Variants in CEP72 observed in about 807,000 individuals in gnomAD.
CEP72 encodes the protein centrosomal protein of 72 kDa.
A neutral mutation model predicts 65.7 loss-of-function variants in CEP72; 78 were observed. That is an observed-to-expected ratio of 1.19 (90% CI 0.99 to 1.43). The LOEUF is 1.43. Ranked by LOEUF, CEP72 falls within the 40% of genes most tolerant of loss-of-function variation. The pLI is 0.00. For synonymous variants in CEP72, 358 were observed against 351.7 expected (o/e 1.02, Z -0.20); for missense variants, 914 against 832.9 (o/e 1.10, Z -1.20).
rs547515133 is a variant in CEP72 at position 613,786 on chromosome 5, C to T, written c.82+1343C>T. On this transcript the variant is annotated intron_variant, in intron 1 of 11. Coordinates refer to ENST00000264935, the MANE Select transcript of CEP72 (RefSeq NM_018140.4). ...TGGAAACTGCATTCTTTGGTGAATC[C>T]GCTTGCGGGGCCCTTTAGACCAGCT... Among the ~76,000 whole-genome samples, 28 of 152,336 alleles carry T rather than the reference C, an allele frequency of 1.8e-4. No individual in the cohort carries two copies. In the South Asian group the frequency reaches 5.4e-3, roughly 29 times the overall value.
downstream of CEP72, among the ~76,000 whole-genome samples, chr5:654,234 C>T (rs1739298099): frequency 6.9e-6 from 1 of 144,282 alleles, no homozygotes; most frequent in Admixed American, 7.0e-5. Context: ...TGTGTGTGTG[C>T]TAGCTGTGTG....
In CEP72 at chr5:624,687, C is replaced by T; in HGVS notation, c.512+108C>T. Reference sequence around the variant, plus strand: ...GTGCCGGTCACTCTCCAGGGGCGGACACCAGGAGGGAGGAAGGGCAGAGCC... The same window carrying T: ...GTGCCGGTCACTCTCCAGGGGCGGATACCAGGAGGGAGGAAGGGCAGAGCC... On this transcript the variant is annotated intron_variant, in intron 4 of 11. Coordinates refer to ENST00000264935, the MANE Select transcript of CEP72 (RefSeq NM_018140.4). This position sits in a 1 kb window ranked among gnomAD's most constrained non-coding sequence, Gnocchi z 4.7. 2.4e-6 allele frequency: 2 copies of T among 817,270 alleles called. No homozygotes were observed. The highest frequency in any genetic ancestry group is 4.2e-6 in the Non-Finnish European group (2 of 480,140). 50.6% of individuals were successfully genotyped at this position (817,270 alleles called of 1,614,324 possible).
chr5:615,261 G>A (rs1423739317), intron 1 of CEP72, among the ~76,000 whole-genome samples: 5 of 151,024 alleles, frequency 3.3e-5, no homozygotes, highest in African/African-American at 1.2e-4. Flanking sequence ...TCAGCTTCCC[G>A]AGTAGCTGGG....
At chr5:647,665 C>G (rs920994286) in intron 10 of CEP72, 140 bp from the exon 11 acceptor site, 5 of 632,030 alleles carry the variant, frequency 7.9e-6, no homozygotes, top group Non-Finnish European at 1.4e-5. Context: ...GTCTTTGAGT[C>G]TCATTAATAC....
intron 11 of CEP72, among the ~76,000 whole-genome samples, chr5:648,768 C>G (rs1210713092): frequency 9.9e-6 from 1 of 101,424 alleles, no homozygotes; most frequent in African/African-American, 4.1e-5. Flanking sequence ...GAGGTGTGGA[C>G]TGTGAGGTGT....
chr5:668,462 A>C (rs1740043462), downstream of CEP72, among the ~76,000 whole-genome samples: 2 of 151,532 alleles, frequency 1.3e-5, no homozygotes, highest in Admixed American at 6.6e-5. Context: ...AAGCACACGG[A>C]GAGGGGGCCG....
chr5:648,999 G>T (rs1157626659), intron 11 of CEP72, among the ~76,000 whole-genome samples: 1 of 149,172 alleles, frequency 6.7e-6, no homozygotes, highest in Non-Finnish European at 1.5e-5. Context: ...ATGTGACCAT[G>T]GGGTGTGGGC....
At position 618,982 on chromosome 5, in the gene CEP72, A is replaced by G. The variant is rs779145357; in HGVS notation, c.83-8A>G. On this transcript the variant is annotated splice_region_variant and splice_polypyrimidine_tract_variant and intron_variant, in intron 1 of 11. Transcript: ENST00000264935. ...AAGATTAAAATCTTACAATTTTTCT[A>G]TTCTTAGCTGAGCTTCAGTCATTGT... 8.1e-6 allele frequency: 13 copies of G among 1,598,712 alleles called. No homozygotes were observed. The highest frequency in any genetic ancestry group is 6.7e-5 in the South Asian group (6 of 89,834).
At chr5:620,929 G>A (rs1220308042) in intron 3 of CEP72, among the ~76,000 whole-genome samples, 1 of 152,202 alleles carries the variant, frequency 6.6e-6, no homozygotes, top group Non-Finnish European at 1.5e-5. Context: ...TGAGCACCTG[G>A]TGGTGTCTCT....
downstream of CEP72, among the ~76,000 whole-genome samples, chr5:667,537 C>T (rs549973151): frequency 6.6e-6 from 1 of 152,188 alleles, no homozygotes; most frequent in East Asian, 1.9e-4. Context: ...CAAAACATGG[C>T]CTATAGTGGA....
intron 3 of CEP72, among the ~76,000 whole-genome samples, chr5:621,815 C>G (rs1243607900): frequency 2.0e-5 from 3 of 152,216 alleles, no homozygotes; most frequent in African/African-American, 7.2e-5. Context: ...GCTTCATCGC[C>G]CAGGCTGGAG....
intron 2 of CEP72, 112 bp from the exon 3 acceptor site, chr5:619,941 CTGGTAATGACATGGAG>C (rs1183288111): frequency 6.2e-5 from 44 of 708,988 alleles, no homozygotes; most frequent in Non-Finnish European, 9.1e-5. Flanking sequence ...TCTACTTTTC[CTGGTAATGACATGGAG>C]TTATTGCAAA....
the CEP72 span, among the ~76,000 whole-genome samples, chr5:675,465 G>GGGGGGGCAGTGTGGCCA: frequency 4.4e-5 from 2 of 45,446 alleles, no homozygotes; most frequent in African/African-American, 2.6e-4. Flanking sequence ...GTGCAGCACA[G>GGGGGGGCAGTGTGGCCA]GGGGTGCAGT....
At chr5:612,935 T>G (rs545601888) in intron 1 of CEP72, among the ~76,000 whole-genome samples, 3 of 152,216 alleles carry the variant, frequency 2.0e-5, no homozygotes, top group Non-Finnish European at 4.4e-5. Context: ...TGCCTTCTCT[T>G]ATATTTAGAA....
chr5:617,783 T>C (rs1191215420), intron 1 of CEP72, among the ~76,000 whole-genome samples: 1 of 152,188 alleles, frequency 6.6e-6, no homozygotes, highest in Non-Finnish European at 1.5e-5. Flanking sequence ...GAGAATCACT[T>C]GAACCTAGGA....
chr5:653,967 T>C (rs1739269644), downstream of CEP72, among the ~76,000 whole-genome samples: 1 of 148,048 alleles, frequency 6.8e-6, no homozygotes, highest in South Asian at 2.1e-4. Flanking sequence ...TGTGTGTGTG[T>C]GTGCCCTTGC....
Position 635,728 on chromosome 5 carries a change from T to C in CEP72, c.904+144T>C, listed in dbSNP as rs567784387. 8.3e-5 allele frequency: 55 copies of C among 660,028 alleles called. No homozygotes were observed. In the African/African-American group the frequency reaches 1.0e-3, roughly 12 times the overall value. 40.9% of individuals were successfully genotyped at this position (660,028 alleles called of 1,614,324 possible). ...GCACGGTGCCGGCACCTGGTGCTGG[T>C]CCTCCCATGGCACAGGCAGAAGCAT... On this transcript the variant is annotated intron_variant, in intron 6 of 11. Coordinates refer to ENST00000264935, the MANE Select transcript of CEP72 (RefSeq NM_018140.4).
downstream of CEP72, chr5:660,926 A>G (rs1739565580): frequency 6.6e-6 from 1 of 152,240 alleles, no homozygotes; most frequent in Non-Finnish European, 1.5e-5. Flanking sequence ...CAACTCCACC[A>G]TCTGCGCCCA....
Position 616,829 on chromosome 5 carries a change from T to C in CEP72, c.83-2161T>C, listed in dbSNP as rs1164831228. Reference sequence around the variant, plus strand: ...GTGTGTGTGTGTATGTGTGTGTGTGTGTGCGCGCGAGTGGGGGTTTGCTTG... The same window carrying C: ...GTGTGTGTGTGTATGTGTGTGTGTGCGTGCGCGCGAGTGGGGGTTTGCTTG... On this transcript the variant is annotated intron_variant, in intron 1 of 11. Coordinates refer to ENST00000264935, the MANE Select transcript of CEP72 (RefSeq NM_018140.4). Among the ~76,000 whole-genome samples, 802 of 149,586 alleles carry C rather than the reference T, an allele frequency of 5.4e-3. 5 individuals are homozygous for C. Among genetic ancestry groups the C allele is most frequent in the South Asian group, 7.4e-3 (35 of 4,754 alleles).
Sources: allele counts gnomAD v4.1 joint callset (sites outside exome capture counted in the v4.1 genomes callset), GRCh38; gene constraint gnomAD v4.1.1; non-coding constraint Gnocchi (gnomAD v3.1); transcripts MANE v1.5; gene names NCBI Gene and HGNC (gene_info 2026-07-23, HGNC 2026-07-21).